RARB: variants seen among roughly 807,000 people sequenced by gnomAD.
RARB encodes the protein retinoic acid receptor beta.
Under a neutral mutation model 51.9 loss-of-function variants are expected in RARB, and 17 were observed. The ratio of observed to expected loss-of-function variants is 0.33; its 90% CI spans 0.22 to 0.49. The LOEUF is 0.49. Among genes scored for constraint, RARB ranks in the 20% least tolerant of loss-of-function variants. The pLI, the probability that RARB is intolerant of heterozygous loss-of-function variation, is 0.99. For missense variants in RARB, 369 were observed against 550.8 expected (o/e 0.67, Z 3.30); for synonymous variants, 215 against 195.4 (o/e 1.10, Z -0.84).
chr3:25,268,644 C>A (rs752355352), intron 5 of RARB, among the ~76,000 whole-genome samples: 5 of 152,194 alleles, frequency 3.3e-5, no homozygotes, highest in South Asian at 2.1e-4. Context: ...GAGGCTCCTG[C>A]CTCAGCACCT....
At chr3:25,173,579 A>G (rs770182967) in intron 4 of RARB, among the ~76,000 whole-genome samples, 5 of 152,242 alleles carry the variant, frequency 3.3e-5, no homozygotes, top group Non-Finnish European at 7.3e-5. Context: ...CGTAAAATCC[A>G]AAGTTACTCA....
chr3:24,908,895 A>G (rs1694930254), intron 2 of RARB, among the ~76,000 whole-genome samples: 1 of 152,004 alleles, frequency 6.6e-6, no homozygotes, highest in African/African-American at 2.4e-5. Context: ...CTGCTTTCCC[A>G]CATCCTTCAG....
intron 2 of RARB, among the ~76,000 whole-genome samples, chr3:24,932,152 G>T (rs146345404): frequency 2.0e-4 from 30 of 152,162 alleles, no homozygotes; most frequent in Non-Finnish European, 3.1e-4. Flanking sequence ...TGAGAAAGCG[G>T]TGATGGGCTT....
At chr3:24,950,969 C>T (rs1400330314) in intron 2 of RARB, among the ~76,000 whole-genome samples, 1 of 152,148 alleles carries the variant, frequency 6.6e-6, no homozygotes, top group African/African-American at 2.4e-5. Flanking sequence ...GAGGGTTTTT[C>T]TGTGTGTCAC....
intron 5 of RARB, among the ~76,000 whole-genome samples, chr3:25,238,770 C>A (rs773651155): frequency 6.6e-6 from 1 of 152,046 alleles, no homozygotes; most frequent in Non-Finnish European, 1.5e-5. Context: ...ATCACGAGGT[C>A]AGGATCAAGA....
chr3:24,897,372 T>A (rs1235515103), intron 2 of RARB, among the ~76,000 whole-genome samples: 1 of 152,184 alleles, frequency 6.6e-6, no homozygotes, highest in Non-Finnish European at 1.5e-5. Flanking sequence ...AGTTTTTGAC[T>A]TCGTTCTTCA....
At chr3:25,117,735 G>A (rs1699712091) in intron 3 of RARB, among the ~76,000 whole-genome samples, 1 of 152,126 alleles carries the variant, frequency 6.6e-6, no homozygotes, top group Non-Finnish European at 1.5e-5. Context: ...AAGAGCAGAG[G>A]ATGGCTTTCA....
chr3:25,437,358 G>T (rs115126050), intron 1 of RARB, among the ~76,000 whole-genome samples: 1 of 152,078 alleles, frequency 6.6e-6, no homozygotes, highest in East Asian at 1.9e-4. Flanking sequence ...AGATGCTGTC[G>T]TGGCACAGTA....
chr3:25,337,121 C>G (rs1429237850), intron 5 of RARB, among the ~76,000 whole-genome samples: 1 of 152,102 alleles, frequency 6.6e-6, no homozygotes, highest in African/African-American at 2.4e-5. Flanking sequence ...AGGCCATGTA[C>G]TAAATTAGAA....
At chr3:25,363,752 C>T (rs1438648302) in intron 5 of RARB, among the ~76,000 whole-genome samples, 1 of 152,174 alleles carries the variant, frequency 6.6e-6, no homozygotes, top group Non-Finnish European at 1.5e-5. Flanking sequence ...ACTTGTATTT[C>T]CCAGTCTCCC....
At chr3:25,283,033 T>C (rs1476864443) in intron 5 of RARB, among the ~76,000 whole-genome samples, 1 of 152,190 alleles carries the variant, frequency 6.6e-6, no homozygotes, top group Non-Finnish European at 1.5e-5. Flanking sequence ...CCTTTTCGGA[T>C]GAGCAACTGG....
In RARB at chr3:25,238,173, T is replaced by C. The variant is rs112570482; in HGVS notation, c.178+63598T>C. On this transcript the variant is annotated intron_variant, in intron 5 of 11. Coordinates refer to the RARB transcript ENST00000383772. ...GCGCCCCCCCACACATCCTTCCCAG[T>C]CTCTGGTATCTAGGATTCTACTCTC... Among the ~76,000 whole-genome samples the C allele has an allele frequency of 8.5e-3, 1,280 of 150,554 alleles. 29 individuals carry two copies. Among genetic ancestry groups the C allele is most frequent in the African/African-American group, 0.028 (1,166 of 41,410 alleles).
chr3:25,089,182 A>G (rs1044558893), intron 3 of RARB, among the ~76,000 whole-genome samples: 3 of 151,976 alleles, frequency 2.0e-5, no homozygotes, highest in Non-Finnish European at 4.4e-5. Context: ...CAGACTTTAT[A>G]ATTTATTTTT....
chr3:25,210,170 T>C (rs1701656855), intron 5 of RARB, among the ~76,000 whole-genome samples: 1 of 152,160 alleles, frequency 6.6e-6, no homozygotes, highest in Non-Finnish European at 1.5e-5. Context: ...GCAGAAAAGA[T>C]TTGTGAAGTA....
chr3:24,950,866 C>G (rs930742901), intron 2 of RARB, among the ~76,000 whole-genome samples: 5 of 152,150 alleles, frequency 3.3e-5, no homozygotes, highest in African/African-American at 1.2e-4. Flanking sequence ...ATCAACGTGC[C>G]TGGCATAGAA....
chr3:24,862,413 T>C (rs188111452), intron 2 of RARB, among the ~76,000 whole-genome samples: 1 of 152,320 alleles, frequency 6.6e-6, no homozygotes, highest in African/African-American at 2.4e-5. Flanking sequence ...TCCTTATCCA[T>C]GTTTTTGCCT....
intron 2 of RARB, among the ~76,000 whole-genome samples, chr3:25,012,079 A>G (rs1697411246): frequency 6.6e-6 from 1 of 152,104 alleles, no homozygotes; most frequent in African/African-American, 2.4e-5. Context: ...CTCAGTGGGG[A>G]AAATAGTAAT....
In RARB at chr3:24,954,457, G is replaced by T. The variant is rs574934517; in HGVS notation, c.-380+95705G>T. Among the ~76,000 whole-genome samples the T allele has an allele frequency of 7.2e-5, 11 of 152,288 alleles. No individual in the cohort carries two copies. The South Asian group carries it at 2.1e-3, about 29-fold the overall frequency. On this transcript the variant is annotated intron_variant, in intron 2 of 11. Coordinates refer to the RARB transcript ENST00000383772. ...AATTACAACAAAATCAGAAGTCAAG[G>T]TCTGAGTCCTCTTTAGAAAAAGTAT...
intron 4 of RARB, among the ~76,000 whole-genome samples, chr3:25,172,744 T>C (rs1192617456): frequency 6.6e-6 from 1 of 152,248 alleles, no homozygotes; most frequent in Non-Finnish European, 1.5e-5. Flanking sequence ...TTTGATGTGA[T>C]AACAAATATG....
Sources: allele counts gnomAD v4.1 joint callset (sites outside exome capture counted in the v4.1 genomes callset), GRCh38; gene constraint gnomAD v4.1.1; transcripts MANE v1.5; gene names NCBI Gene and HGNC (gene_info 2026-07-23, HGNC 2026-07-21).